ZNF540: variants seen among roughly 807,000 people sequenced by gnomAD.
ZNF540 encodes CTD-3064H18.6.
A neutral mutation model predicts 11.8 loss-of-function variants in ZNF540; 3 were observed. The ratio of observed to expected loss-of-function variants is 0.25; its 90% CI spans 0.12 to 0.65. ZNF540 has a LOEUF of 0.65. Among genes scored for constraint, ZNF540 ranks in the 30% least tolerant of loss-of-function variants. The pLI is 0.83. For missense variants in ZNF540, 709 were observed against 793.1 expected, an observed-to-expected ratio of 0.89 and a Z score of 1.27; for synonymous variants, 247 against 259.0, an observed-to-expected ratio of 0.95 and a Z score of 0.45.
At chr19:37,607,180 G>C (rs2044091924) in intron 4 of ZNF540, among the ~76,000 whole-genome samples, 1 of 151,484 alleles carries the variant, frequency 6.6e-6, no homozygotes, top group Non-Finnish European at 1.5e-5. Flanking sequence ...ATCAGTTTTA[G>C]GTTTACAGGA....
rs142670863 is a variant in ZNF540, at chr19:37,607,077, T to C, written c.233-4436T>C. On this transcript the variant is annotated intron_variant, in intron 4 of 4. Transcript: ENST00000316433. ...TTTATCAGATATATATATTTTGCAA[T>C]ATTTTATTAGTTTAGATACTAGATA... Among the ~76,000 whole-genome samples, 1,049 of 152,232 alleles carry C rather than the reference T, an allele frequency of 6.9e-3. 32 individuals are homozygous for C. Among genetic ancestry groups the C allele is most frequent in the East Asian group, 0.055 (285 of 5,196 alleles).
rs57590004 is a variant in ZNF540, at chr19:37,561,074, A to AAAAG, written c.-73+9409_-73+9410insAAAG. 1.0e-3 allele frequency among the ~76,000 whole-genome samples: 137 copies of AAAAG among 135,806 alleles called. 3 individuals carry two copies. The highest frequency in any genetic ancestry group is 3.9e-3 in the African/African-American group (133 of 34,290). The allele number at this position is 135,806 out of a possible 152,430, so 89.1% of individuals were successfully genotyped here. A position where few individuals can be genotyped will look rare whatever the true frequency, so the allele number is the denominator to read the frequency against. On this transcript the variant is annotated intron_variant, in intron 1 of 4. Coordinates refer to the ZNF540 transcript ENST00000592533. ...AAAAAAAAAAAAAAAAAAAAAAAAA[A>AAAAG]GAAAGAAAAAATTTAAATTATCCAG...
intron 4 of ZNF540, among the ~76,000 whole-genome samples, chr19:37,604,472 TA>T (rs1371782107): frequency 6.6e-6 from 1 of 151,742 alleles, no homozygotes; most frequent in African/African-American, 2.4e-5. Context: ...CACGCCTGGC[TA>T]AGTTTTTGTA....
intron 1 of ZNF540, chr19:37,556,307 C>CGTTTT (rs2042659214): frequency 1.7e-6 from 1 of 595,868 alleles, no homozygotes; most frequent in African/African-American, 1.9e-5. Context: ...CAGGCAAAAA[C>CGTTTT]AAACAAGTGA....
chr19:37,599,646 T>G lies in ZNF540; in HGVS notation c.30T>G (p.Asp10Glu). MAHALVTFR[D>E]VAIDFSQKEW... The stretch of plus-strand genomic sequence containing the variant: ...TTCAGGCATTGGTGACGTTCAGGGA[T>G]GTGGCTATAGACTTCTCTCAGAAGG... Residue 10 changes from aspartate (D) to glutamate (E), a missense_variant, in exon 3 of 5, where the codon GAT (aspartate) becomes GAG (glutamate). Transcript: ENST00000316433. 1.2e-6 allele frequency: 2 copies of G among 1,614,112 alleles called. No homozygotes were observed. Among genetic ancestry groups the G allele is most frequent in the Non-Finnish European group, 1.7e-6 (2 of 1,179,978 alleles).
At chr19:37,602,754 T>C (rs1475417855) in intron 4 of ZNF540, among the ~76,000 whole-genome samples, 1 of 152,096 alleles carries the variant, frequency 6.6e-6, no homozygotes, top group Non-Finnish European at 1.5e-5. Flanking sequence ...GGAGTAGTCA[T>C]CTGTGAGGTC....
intron 1 of ZNF540, chr19:37,555,023 G>A (rs1217431435): frequency 3.9e-5 from 6 of 152,208 alleles, no homozygotes. Context: ...TGATAGACCG[G>A]GGGCTTTGGG....
In ZNF540 at chr19:37,612,813, T is replaced by C; in HGVS notation, c.1533T>C (p.Thr511=). The change falls in exon 5 of 5, where the codon ACT becomes ACC. Residue 511 remains threonine, a synonymous_variant. Coordinates refer to ENST00000316433, the MANE Select transcript of ZNF540 (RefSeq NM_001172225.3). ...GKTFRFGFYL[T]EHQRIHTGEK... ...CCTTTAGATTTGGTTTCTACCTTACTGAACACCAGAGAATTCACACTGGTG... is the reference window on the plus strand; with the variant it reads ...CCTTTAGATTTGGTTTCTACCTTACCGAACACCAGAGAATTCACACTGGTG... The C allele has an allele frequency of 6.2e-7, 1 of 1,614,076 alleles. No homozygotes were observed. The highest frequency in any genetic ancestry group is 8.5e-7 in the Non-Finnish European group (1 of 1,180,014).
chr19:37,570,005 T>A (rs1317535186), intron 1 of ZNF540: 1 of 152,184 alleles, frequency 6.6e-6, no homozygotes, highest in Admixed American at 6.5e-5. Context: ...TGGTAAGACC[T>A]CCACATTCTG....
rs760043905 is a variant in ZNF540 at position 37,612,920 on chromosome 19, G to C, written c.1640G>C (p.Gly547Ala). The C allele has an allele frequency of 3.0e-5, 49 of 1,613,926 alleles. No individual in the cohort carries two copies. The highest frequency in any genetic ancestry group is 1.6e-4 in the Middle Eastern group (1 of 6,084). ...AAAGAACATCTGAAAATTCATTCTGGTTTAAAACCCTATGACTGTAAAGAA... is the reference window on the plus strand; with the variant it reads ...AAAGAACATCTGAAAATTCATTCTGCTTTAAAACCCTATGACTGTAAAGAA... ...NLKEHLKIHS[G>A]LKPYDCKECG... The change falls in exon 5 of 5, where the codon GGT (glycine) becomes GCT (alanine). Residue 547 changes from glycine to alanine, a missense_variant. Coordinates refer to ENST00000316433, the MANE Select transcript of ZNF540 (RefSeq NM_001172225.3).
intron 1 of ZNF540, among the ~76,000 whole-genome samples, chr19:37,561,522 G>A (rs967679002): frequency 1.3e-5 from 2 of 152,138 alleles, no homozygotes; most frequent in Non-Finnish European, 2.9e-5. Flanking sequence ...GGAAACAATG[G>A]GTTAAACAAA....
Position 37,598,402 on chromosome 19 carries a change from A to C in ZNF540, c.-46A>C. ...CTTCTCAGAACTTTGCTTCTCCAGC[A>C]GAATAATCCTGCGGAAGACTGAGCA... On this transcript the variant is annotated 5_prime_UTR_variant, in exon 2 of 5. Coordinates refer to ENST00000316433, the MANE Select transcript of ZNF540 (RefSeq NM_001172225.3). 1 of 1,610,472 alleles carries C rather than the reference A, an allele frequency of 6.2e-7. No individual in the cohort carries two copies. Among genetic ancestry groups the C allele is most frequent in the East Asian group, 2.2e-5 (1 of 44,862 alleles).
rs527265059 is a variant in ZNF540 at position 37,606,972 on chromosome 19, G to A, written c.233-4541G>A. On this transcript the variant is annotated intron_variant, in intron 4 of 4. Transcript: ENST00000316433. The stretch of plus-strand genomic sequence containing the variant: ...TGAAGAACTCTTTTTCTCATACAAG[G>A]ACACAAAAATTCCCATTGATATTAT... 2.2e-4 allele frequency among the ~76,000 whole-genome samples: 34 copies of A among 151,632 alleles called. 1 individual carries two copies. The South Asian group carries it at 7.1e-3, about 32-fold the overall frequency.
rs147628431 is a variant in ZNF540, at chr19:37,561,250, C to A, written c.-73+9585C>A. On this transcript the variant is annotated intron_variant, in intron 1 of 4. Coordinates refer to the ZNF540 transcript ENST00000592533. The stretch of plus-strand genomic sequence containing the variant: ...CACCTCTAAACAAAAAAAGACAAAA[C>A]CCTTATAAAATTGATCTAGACAATG... Among the ~76,000 whole-genome samples the A allele has an allele frequency of 4.8e-3, 734 of 151,874 alleles. 8 individuals are homozygous for A. The highest frequency in any genetic ancestry group is 0.017 in the African/African-American group (684 of 41,448).
At chr19:37,570,502 A>G (rs553538846) in intron 1 of ZNF540, among the ~76,000 whole-genome samples, 1 of 152,346 alleles carries the variant, frequency 6.6e-6, no homozygotes, top group African/African-American at 2.4e-5. Flanking sequence ...ACTCAATGTT[A>G]ATTTTTCTAC....
chr19:37,565,754 C>T, intron 1 of ZNF540: 1 of 1,613,844 alleles, frequency 6.2e-7, no homozygotes, highest in East Asian at 2.2e-5. Context: ...ACATGCGTTA[C>T]ACTGATAAGG....
At chr19:37,611,263 A>G (rs972385628) in intron 4 of ZNF540, 5 of 244,622 alleles carry the variant, frequency 2.0e-5, no homozygotes. Flanking sequence ...CTGACCTCAG[A>G]TGATCCACCT....
chr19:37,563,824 A>C (rs886635639), intron 1 of ZNF540: 1 of 149,154 alleles, frequency 6.7e-6, no homozygotes. Context: ...ATATGTATAT[A>C]TTCCACATAC....
intron 4 of ZNF540, among the ~76,000 whole-genome samples, chr19:37,609,633 A>C (rs563788238): frequency 1.9e-4 from 29 of 152,168 alleles, no homozygotes; most frequent in African/African-American, 6.3e-4. Context: ...GGATCACCTG[A>C]GGTCAGGAGT....
Sources: allele counts gnomAD v4.1 joint callset (sites outside exome capture counted in the v4.1 genomes callset), GRCh38; gene constraint gnomAD v4.1.1; transcripts MANE v1.5; gene names NCBI Gene and HGNC (gene_info 2026-07-23, HGNC 2026-07-21).